Variants in HECW2 observed in about 807,000 individuals in gnomAD.
The protein encoded by HECW2 is HECT, C2 and WW domain containing E3 ubiquitin protein ligase 2.
HECW2 carries 61 observed loss-of-function variants against 175.2 expected under a neutral mutation model. The observed-to-expected ratio is 0.35, with a 90% CI of 0.28 to 0.43. The LOEUF (loss-of-function observed/expected upper bound fraction) is 0.43. Among genes scored for constraint, HECW2 ranks in the 20% least tolerant of loss-of-function variants. The pLI is 1.00. For missense variants in HECW2, 1,524 were observed against 2,000.5 expected (o/e 0.76, Z 4.54); for synonymous variants, 671 against 731.0 (o/e 0.92, Z 1.32).
rs10653412 is a variant in HECW2 at position 196,231,092 on chromosome 2, C to CAAAAAAA, written c.3765-2845_3765-2839dup. The stretch of plus-strand genomic sequence containing the variant: ...CTGGCGACAGAGCAGGACTCCGTCT[C>CAAAAAAA]AAAAAAAAAAAAAAAAAAAAAAAAG... On this transcript the variant is annotated intron_variant, in intron 21 of 28. Coordinates refer to ENST00000644978, the MANE Select transcript of HECW2 (RefSeq NM_001348768.2). Among the ~76,000 whole-genome samples the CAAAAAAA allele has an allele frequency of 2.5e-4, 14 of 55,308 alleles. 1 individual carries two copies. Among genetic ancestry groups the CAAAAAAA allele is most frequent in the Non-Finnish European group, 2.9e-4 (10 of 33,938 alleles). 36.3% of individuals were successfully genotyped at this position (55,308 alleles called of 152,430 possible). A position where few individuals can be genotyped will look rare whatever the true frequency, so the allele number is the denominator to read the frequency against.
intron 3 of HECW2, among the ~76,000 whole-genome samples, chr2:196,341,314 A>AAAATCACTCCAAAGGAAGTGATTTTG (rs1692743335): frequency 6.8e-6 from 1 of 146,834 alleles, no homozygotes; most frequent in African/African-American, 2.7e-5. Flanking sequence ...AAGTGATTTT[A>AAAATCACTCCAAAGGAAGTGATTTTG]CCTTTTCCCC....
intron 2 of HECW2, among the ~76,000 whole-genome samples, chr2:196,428,898 C>T (rs896938226): frequency 1.3e-4 from 20 of 152,262 alleles, no homozygotes; most frequent in Admixed American, 9.8e-4. Context: ...TGACTTAAAC[C>T]AAGAGAAGAA....
chr2:196,521,304 A>AAAAG (rs1559155905), intron 1 of HECW2, among the ~76,000 whole-genome samples: 57 of 148,258 alleles, frequency 3.8e-4, no homozygotes, highest in African/African-American at 1.3e-3. Context: ...AAAAAAAAAA[A>AAAAG]AAAGAAAGAA....
At position 196,397,061 on chromosome 2, in the gene HECW2, G is replaced by A. The variant is rs1039028370; in HGVS notation, c.292+36071C>T. 7.9e-5 allele frequency among the ~76,000 whole-genome samples: 12 copies of A among 152,236 alleles called. No homozygotes were observed. In the East Asian group the frequency reaches 1.4e-3, roughly 17 times the overall value. The stretch of plus-strand genomic sequence containing the variant: ...CGGGAGGCGGAGCTTGCAGTGAGCC[G>A]AGATGGCGCCACTGCACTCCAGCCT... On this transcript the variant is annotated intron_variant, in intron 2 of 28. Transcript: ENST00000644978.
chr2:196,439,784 C>T (rs79323320), intron 1 of HECW2, among the ~76,000 whole-genome samples: 2,637 of 152,104 alleles, frequency 0.017, 35 homozygotes, highest in Non-Finnish European at 0.026. Flanking sequence ...TCTCAGGAAA[C>T]GTAATCTGAG....
rs371876557 is a variant in HECW2 at position 196,253,981 on chromosome 2, G to C, written c.3468C>G (p.Leu1156=). The C allele has an allele frequency of 1.2e-6, 2 of 1,613,928 alleles. No individual in the cohort carries two copies. Among genetic ancestry groups the C allele is most frequent in the African/African-American group, 2.7e-5 (2 of 74,918 alleles). The change falls in exon 19 of 29, where the codon CTC becomes CTG. Residue 1156 remains leucine (L), a synonymous_variant. Coordinates refer to ENST00000644978, the MANE Select transcript of HECW2 (RefSeq NM_001348768.2). ...IMSYVPPHAL[L]HPSYCQSPRG... is the part of the protein sequence containing the mutation. ...GTGGGGACTGACAGTAGCTGGGGTG[G>C]AGTAAGGCATGTGGAGGCACATACG...
chr2:196,464,952 G>GAATC (rs759329234), intron 1 of HECW2, among the ~76,000 whole-genome samples: 12 of 152,166 alleles, frequency 7.9e-5, no homozygotes, highest in Non-Finnish European at 1.3e-4. Flanking sequence ...TGAGGTAGGA[G>GAATC]AATCGCTTGA....
intron 3 of HECW2, among the ~76,000 whole-genome samples, chr2:196,335,738 CTTATA>C (rs1483316325): frequency 6.6e-6 from 1 of 152,104 alleles, no homozygotes; most frequent in African/African-American, 2.4e-5. Flanking sequence ...ATATTGAGTC[CTTATA>C]TTATTTATGT....
chr2:196,284,804 A>C (rs933149908), intron 14 of HECW2, among the ~76,000 whole-genome samples: 1 of 152,232 alleles, frequency 6.6e-6, no homozygotes, highest in African/African-American at 2.4e-5. Context: ...AGTATCTATC[A>C]CATATTAATA....
In HECW2 at chr2:196,303,174, T is replaced by A. The variant is rs140131147; in HGVS notation, c.2814+3314A>T. 2.3e-3 allele frequency among the ~76,000 whole-genome samples: 349 copies of A among 152,346 alleles called. 1 individual carries two copies. The highest frequency in any genetic ancestry group is 7.6e-3 in the African/African-American group (317 of 41,592). ...TTTTCTGCGTCTATTGAAATAATCA[T>A]GTGGTTTCTGTCTTTAGTTCTGTTT... On this transcript the variant is annotated intron_variant, in intron 13 of 28. Coordinates refer to ENST00000644978, the MANE Select transcript of HECW2 (RefSeq NM_001348768.2).
At chr2:196,271,577 T>G (rs751064500) in intron 16 of HECW2, among the ~76,000 whole-genome samples, 1 of 152,114 alleles carries the variant, frequency 6.6e-6, no homozygotes, top group Non-Finnish European at 1.5e-5. Flanking sequence ...TGTAAGCCAC[T>G]GTGCCCGGCC....
intron 27 of HECW2, 142 bp from the exon 28 acceptor site, chr2:196,216,119 T>C (rs966788032): frequency 4.9e-6 from 3 of 615,218 alleles, no homozygotes; most frequent in Non-Finnish European, 8.7e-6. Context: ...TGTGGAATAA[T>C]CACAACACAA....
chr2:196,351,479 G>A (rs1427804973), intron 2 of HECW2, among the ~76,000 whole-genome samples: 3 of 151,798 alleles, frequency 2.0e-5, no homozygotes, highest in African/African-American at 4.8e-5. Flanking sequence ...ACCTCCATAC[G>A]GTACTTGAAA....
chr2:196,501,552 A>G (rs1330694713), intron 1 of HECW2, among the ~76,000 whole-genome samples: 1 of 152,182 alleles, frequency 6.6e-6, no homozygotes, highest in Non-Finnish European at 1.5e-5. Flanking sequence ...TGCCTGGCCA[A>G]GAATTTTTTT....
chr2:196,266,312 A>C (rs543270255), intron 17 of HECW2, among the ~76,000 whole-genome samples: 1 of 151,852 alleles, frequency 6.6e-6, no homozygotes, highest in African/African-American at 2.4e-5. Context: ...GCGACACTAC[A>C]CTGCAGCCTG....
At chr2:196,466,723 T>C (rs1334615631) in intron 1 of HECW2, among the ~76,000 whole-genome samples, 2 of 152,160 alleles carry the variant, frequency 1.3e-5, no homozygotes, top group South Asian at 2.1e-4. Flanking sequence ...AAGTAGAAAG[T>C]GTCATCTCCA....
At chr2:196,413,341 C>A (rs990237352) in intron 2 of HECW2, among the ~76,000 whole-genome samples, 1 of 151,164 alleles carries the variant, frequency 6.6e-6, no homozygotes, top group Non-Finnish European at 1.5e-5. Flanking sequence ...GGTGACAGAG[C>A]AAGACCCTGT....
At position 196,326,436 on chromosome 2, in the gene HECW2, A is replaced by G. The variant is rs111428782; in HGVS notation, c.572-1287T>C. On this transcript the variant is annotated intron_variant, in intron 5 of 28. Transcript: ENST00000644978. ...ATATATCTGCAAATATTTAAAAATT[A>G]AACTAAGAGCAATTTTTTTTTTTTT... 1.0e-4 allele frequency among the ~76,000 whole-genome samples: 15 copies of G among 145,946 alleles called. 1 individual carries two copies. Among genetic ancestry groups the G allele is most frequent in the African/African-American group, 3.8e-4 (14 of 37,250 alleles).
intron 2 of HECW2, among the ~76,000 whole-genome samples, chr2:196,351,753 G>A (rs922971001): frequency 6.6e-6 from 1 of 152,108 alleles, no homozygotes; most frequent in African/African-American, 2.4e-5. Context: ...TCCTGAGATT[G>A]GAACCATAAA....
Sources: allele counts gnomAD v4.1 joint callset (sites outside exome capture counted in the v4.1 genomes callset), GRCh38; gene constraint gnomAD v4.1.1; transcripts MANE v1.5; gene names NCBI Gene and HGNC (gene_info 2026-07-23, HGNC 2026-07-21).